VPS54: variants seen among roughly 807,000 people sequenced by gnomAD.
The protein encoded by VPS54 is vacuolar protein sorting-associated protein 54.
Under a neutral mutation model 121.5 loss-of-function variants are expected in VPS54, and 45 were observed. That is an observed-to-expected ratio of 0.37 (90% CI 0.29 to 0.47). The LOEUF is 0.47. VPS54 is among the 20% of genes least tolerant of loss of function. The probability of loss-of-function intolerance (pLI) is 0.99; values close to 1 mark genes in which losing one functional copy is unlikely to be tolerated. For missense variants in VPS54, 1,090 were observed against 1,131.4 expected (o/e 0.96, Z 0.52); for synonymous variants, 371 against 385.8 (o/e 0.96, Z 0.45).
At chr2:63,926,168 G>C (rs141217821) in intron 12 of VPS54, among the ~76,000 whole-genome samples, 7 of 152,166 alleles carry the variant, frequency 4.6e-5, no homozygotes, top group African/African-American at 1.4e-4. Context: ...CTAAAAGCCA[G>C]AACAGCCACC....
At chr2:63,999,219 G>T (rs1019823680) in intron 1 of VPS54, among the ~76,000 whole-genome samples, 2 of 152,190 alleles carry the variant, frequency 1.3e-5, no homozygotes, top group Non-Finnish European at 2.9e-5. Context: ...CAAAGTGCCA[G>T]GATTACCGGT....
At chr2:64,000,454 G>A (rs916758966) in intron 1 of VPS54, among the ~76,000 whole-genome samples, 1 of 151,236 alleles carries the variant, frequency 6.6e-6, no homozygotes, top group Admixed American at 6.6e-5. Flanking sequence ...GGGTGTAGAT[G>A]TTCTTCAGTG....
intron 1 of VPS54, among the ~76,000 whole-genome samples, chr2:63,993,759 C>G (rs147186136): frequency 6.6e-6 from 1 of 152,272 alleles, no homozygotes; most frequent in East Asian, 1.9e-4. Flanking sequence ...AAAATGACTT[C>G]TTGGGTGGTC....
chr2:63,961,227 G>T (rs1488846845), intron 7 of VPS54, among the ~76,000 whole-genome samples: 3 of 152,132 alleles, frequency 2.0e-5, no homozygotes, highest in African/African-American at 7.2e-5. Context: ...TTAACTGAAT[G>T]AATCAATCAA....
At chr2:63,908,344 G>A (rs1440247732) in intron 20 of VPS54, among the ~76,000 whole-genome samples, 5 of 152,058 alleles carry the variant, frequency 3.3e-5, no homozygotes, top group Non-Finnish European at 7.4e-5. Context: ...TCTACTTAGA[G>A]GATATTCTGG....
chr2:64,003,788 T>C (rs1466350828), intron 1 of VPS54, among the ~76,000 whole-genome samples: 1 of 152,344 alleles, frequency 6.6e-6, no homozygotes, highest in Middle Eastern at 3.4e-3. Context: ...AATATCTTTT[T>C]ATGTTCAGTT....
intron 1 of VPS54, among the ~76,000 whole-genome samples, chr2:64,012,860 GA>G (rs1158607840): frequency 2.0e-5 from 3 of 152,100 alleles, no homozygotes; most frequent in Non-Finnish European, 4.4e-5. Flanking sequence ...CTTGGCTCCA[GA>G]AAAGGTTAGG....
chr2:63,953,126 A>ATTT (rs1194371865), intron 7 of VPS54, among the ~76,000 whole-genome samples: 21 of 119,210 alleles, frequency 1.8e-4, no homozygotes, highest in Non-Finnish European at 2.3e-4. Context: ...GAAATTTTTA[A>ATTT]TTTTTTTTTT....
chr2:63,938,089 G>C (rs1022156186), intron 11 of VPS54, among the ~76,000 whole-genome samples: 3 of 68,000 alleles, frequency 4.4e-5, no homozygotes, highest in Non-Finnish European at 1.1e-4. Flanking sequence ...TGTGTGTCTA[G>C]ACAGGATCTT....
intron 1 of VPS54, among the ~76,000 whole-genome samples, chr2:64,012,123 C>T (rs1320863412): frequency 1.3e-5 from 2 of 152,114 alleles, no homozygotes; most frequent in African/African-American, 4.8e-5. Context: ...GCTATCTTAG[C>T]CCTGCTCTAC....
At chr2:63,898,182 A>G (rs1672522853) in intron 21 of VPS54, among the ~76,000 whole-genome samples, 1 of 152,226 alleles carries the variant, frequency 6.6e-6, no homozygotes, top group South Asian at 2.1e-4. Flanking sequence ...TGACAAGAGT[A>G]CCCTTTAAAT....
At chr2:63,932,554 T>C (rs1294312828) in intron 12 of VPS54, among the ~76,000 whole-genome samples, 1 of 151,748 alleles carries the variant, frequency 6.6e-6, no homozygotes, top group Non-Finnish European at 1.5e-5. Flanking sequence ...ATACCTAATG[T>C]AGGTGATGGG....
rs1575871130 is a variant in VPS54, at chr2:63,892,452, G to C, written c.*978C>G. 6.6e-6 allele frequency: 1 copy of C among 152,582 alleles called. No individual in the cohort carries two copies. The highest frequency in any genetic ancestry group is 1.9e-4 in the East Asian group (1 of 5,190). The allele number at this position is 152,582 out of a possible 1,614,324, so 9.5% of individuals were successfully genotyped here. A position where few individuals can be genotyped will look rare whatever the true frequency, so the allele number is the denominator to read the frequency against. On this transcript the variant is annotated 3_prime_UTR_variant, in exon 23 of 23. Transcript: ENST00000272322. ...TCTGGCCCCAACACAGCAGCCTATA[G>C]TTTTAAAAGTTCTGTTTCTCCCTGG...
intron 22 of VPS54, among the ~76,000 whole-genome samples, chr2:63,896,016 C>T (rs1306240216): frequency 6.6e-6 from 1 of 152,186 alleles, no homozygotes; most frequent in Non-Finnish European, 1.5e-5. Flanking sequence ...TGAACAGCCT[C>T]TTTAAGGTAC....
At chr2:63,962,593 C>A (rs1675819723) in intron 6 of VPS54, 150 bp from the exon 7 acceptor site, 8 of 987,558 alleles carry the variant, frequency 8.1e-6, no homozygotes, top group Non-Finnish European at 1.1e-5. Context: ...AAATTGGGCA[C>A]AACAAAATGG....
At chr2:64,015,662 G>A (rs1036499570) in intron 1 of VPS54, among the ~76,000 whole-genome samples, 3 of 152,092 alleles carry the variant, frequency 2.0e-5, no homozygotes, top group Admixed American at 6.5e-5. Flanking sequence ...AGTCAAAACC[G>A]TCCTCGCAGA....
intron 15 of VPS54, among the ~76,000 whole-genome samples, chr2:63,918,921 A>T (rs543168269): frequency 4.7e-4 from 71 of 152,192 alleles, no homozygotes; most frequent in Admixed American, 6.5e-4. Flanking sequence ...CTGAGATTGC[A>T]AATGATCTAT....
At chr2:63,993,122 A>C (rs1401560099) in intron 1 of VPS54, among the ~76,000 whole-genome samples, 1 of 152,220 alleles carries the variant, frequency 6.6e-6, no homozygotes, top group Non-Finnish European at 1.5e-5. Context: ...TCAGGACAAA[A>C]TTCAACAGAC....
intron 20 of VPS54, among the ~76,000 whole-genome samples, chr2:63,900,717 C>A (rs146544771): frequency 2.0e-5 from 3 of 152,036 alleles, no homozygotes; most frequent in Admixed American, 2.0e-4. Context: ...TGAAAATATT[C>A]CAGGTAGAGG....
Sources: allele counts gnomAD v4.1 joint callset (sites outside exome capture counted in the v4.1 genomes callset), GRCh38; gene constraint gnomAD v4.1.1; transcripts MANE v1.5; gene names NCBI Gene and HGNC (gene_info 2026-07-23, HGNC 2026-07-21).